Variants in ZC3H12B observed in about 807,000 individuals in gnomAD.
ZC3H12B encodes the protein probable ribonuclease ZC3H12B.
A neutral mutation model predicts 43.9 loss-of-function variants in ZC3H12B; 7 were observed. That is an observed-to-expected ratio of 0.16 (90% CI 0.09 to 0.30). The LOEUF is 0.30. ZC3H12B is among the 10% of genes least tolerant of loss of function. The pLI, the probability that ZC3H12B is intolerant of heterozygous loss-of-function variation, is 1.00. For missense variants in ZC3H12B, 475 were observed against 670.2 expected (o/e 0.71, Z 3.22); for synonymous variants, 222 against 241.7 (o/e 0.92, Z 0.76).
the ZC3H12B span, among the ~76,000 whole-genome samples, chrX:65,181,876 A>C: frequency 3.6e-5 from 4 of 111,949 alleles, no homozygotes; most frequent in African/African-American, 1.3e-4. Flanking sequence ...CAGAAATACC[A>C]TATGACCCAG....
At chrX:65,320,901 G>T in the ZC3H12B span, among the ~76,000 whole-genome samples, 6 of 112,166 alleles carry the variant, frequency 5.3e-5, no homozygotes, top group African/African-American at 1.9e-4. Context: ...ATAAACTCAA[G>T]ATGAATTAAA....
the ZC3H12B span, among the ~76,000 whole-genome samples, chrX:65,231,012 GC>G: frequency 2.7e-5 from 3 of 111,673 alleles, no homozygotes; most frequent in African/African-American, 9.8e-5. Flanking sequence ...GGGGGAACCA[GC>G]CCCCAGTATT....
chrX:65,389,097 A>C (rs2066573619), intron 2 of ZC3H12B, among the ~76,000 whole-genome samples: 1 of 112,111 alleles, frequency 8.9e-6, no homozygotes, highest in Non-Finnish European at 1.9e-5. Flanking sequence ...GACCAATTTG[A>C]GGAGGCAGTC....
the ZC3H12B span, among the ~76,000 whole-genome samples, chrX:65,105,165 A>C: frequency 9.1e-6 from 1 of 110,242 alleles, no homozygotes; most frequent in Non-Finnish European, 1.9e-5. Context: ...AGAAAACCAA[A>C]CACCACAAAT....
Position 65,493,708 on chromosome X carries a change from G to T in ZC3H12B, c.609-3424G>T, listed in dbSNP as rs146298194. 7.1e-3 allele frequency among the ~76,000 whole-genome samples: 796 copies of T among 111,502 alleles called. 1 individual carries two copies. Among genetic ancestry groups the T allele is most frequent in the Middle Eastern group, 0.028 (6 of 216 alleles). On this transcript the variant is annotated intron_variant, in intron 1 of 4. Transcript: ENST00000338957. ...GGCTTGGGAACCTGGATCATGAGAGGTTCCTAAGCAAGTTTACAAGACAAA... is the reference window on the plus strand; with the variant it reads ...GGCTTGGGAACCTGGATCATGAGAGTTTCCTAAGCAAGTTTACAAGACAAA...
chrX:65,325,861 G>T, the ZC3H12B span, among the ~76,000 whole-genome samples: 4 of 111,392 alleles, frequency 3.6e-5, no homozygotes, highest in African/African-American at 1.3e-4. Flanking sequence ...TCAAAAAATT[G>T]AACAGACTAT....
upstream of ZC3H12B, among the ~76,000 whole-genome samples, chrX:65,366,012 A>G (rs371822981): frequency 1.8e-5 from 2 of 110,981 alleles, no homozygotes; most frequent in East Asian, 5.7e-4. Flanking sequence ...TCACCAAAGA[A>G]TATATATATT....
At chrX:65,479,644 A>C (rs1043294073) in intron 3 of ZC3H12B, among the ~76,000 whole-genome samples, 11 of 111,950 alleles carry the variant, frequency 9.8e-5, no homozygotes, top group African/African-American at 3.6e-4. Flanking sequence ...CTGGGATTAC[A>C]TGTGAGAGCC....
the ZC3H12B span, among the ~76,000 whole-genome samples, chrX:65,149,949 G>A: frequency 6.4e-5 from 7 of 109,701 alleles, no homozygotes; most frequent in African/African-American, 2.3e-4. Context: ...TCAACAGAAA[G>A]CCAGTAAACT....
chrX:65,211,080 A>AAG, the ZC3H12B span, among the ~76,000 whole-genome samples: 1 of 83,634 alleles, frequency 1.2e-5, no homozygotes, highest in African/African-American at 1.0e-4. Flanking sequence ...TAAAAAAAAA[A>AAG]AAAGAAAGAA....
At chrX:65,184,489 C>G in the ZC3H12B span, among the ~76,000 whole-genome samples, 1 of 111,308 alleles carries the variant, frequency 9.0e-6, no homozygotes, top group Non-Finnish European at 1.9e-5. Context: ...TGAGATATTG[C>G]AGAAGGTGGA....
At chrX:65,392,000 C>T (rs1031502626) in intron 2 of ZC3H12B, among the ~76,000 whole-genome samples, 10 of 111,836 alleles carry the variant, frequency 8.9e-5, no homozygotes, top group East Asian at 8.5e-4. Context: ...CTCCTGACCT[C>T]GAGTGATCTG....
At chrX:65,280,189 G>A in the ZC3H12B span, among the ~76,000 whole-genome samples, 10 of 111,883 alleles carry the variant, frequency 8.9e-5, no homozygotes, top group African/African-American at 2.6e-4. Context: ...ACCACACATT[G>A]GAGATTACAC....
intron 3 of ZC3H12B, among the ~76,000 whole-genome samples, chrX:65,431,681 G>T (rs947263094): frequency 8.9e-6 from 1 of 112,169 alleles, no homozygotes; most frequent in Non-Finnish European, 1.9e-5. Flanking sequence ...TGCCCATTCC[G>T]AGAGATTTAT....
At chrX:65,336,057 G>A in the ZC3H12B span, among the ~76,000 whole-genome samples, 1 of 111,866 alleles carries the variant, frequency 8.9e-6, no homozygotes, top group Non-Finnish European at 1.9e-5. Context: ...TATCCTAAGG[G>A]ACCCCTCTTT....
At chrX:65,103,966 T>G in the ZC3H12B span, among the ~76,000 whole-genome samples, 1 of 111,455 alleles carries the variant, frequency 9.0e-6, no homozygotes, top group African/African-American at 3.3e-5. Flanking sequence ...GCCAAGACAA[T>G]CCTAAGCAAA....
the ZC3H12B span, among the ~76,000 whole-genome samples, chrX:65,067,404 C>G: frequency 1.8e-5 from 2 of 111,369 alleles, no homozygotes. Context: ...GGGAGTTCAC[C>G]GGCACCTTGA....
At chrX:65,426,888 T>G (rs919007773) in intron 3 of ZC3H12B, among the ~76,000 whole-genome samples, 10 of 112,188 alleles carry the variant, frequency 8.9e-5, no homozygotes, top group Admixed American at 6.6e-4. Context: ...CTTCCAATTA[T>G]GTGATCAAGA....
chrX:65,252,459 A>T, the ZC3H12B span, among the ~76,000 whole-genome samples: 2 of 112,056 alleles, frequency 1.8e-5, no homozygotes, highest in Non-Finnish European at 3.8e-5. Flanking sequence ...TGTATTAAAA[A>T]ATTAATACAC....
Sources: allele counts gnomAD v4.1 joint callset (sites outside exome capture counted in the v4.1 genomes callset), GRCh38; gene constraint gnomAD v4.1.1; transcripts MANE v1.5; gene names NCBI Gene and HGNC (gene_info 2026-07-23, HGNC 2026-07-21).